The following LHFPL4 variants were observed in gnomAD, a reference collection of about 807,000 sequenced individuals.
LHFPL4 encodes the protein LHFPL tetraspan subfamily member 4.
A neutral mutation model predicts 20.0 loss-of-function variants in LHFPL4; 6 were observed. That is an observed-to-expected ratio of 0.30 (90% CI 0.16 to 0.59). The LOEUF (loss-of-function observed/expected upper bound fraction) is 0.59. LHFPL4 is among the 20% of genes least tolerant of loss of function. The pLI is 0.88. For synonymous variants in LHFPL4, 129 were observed against 143.8 expected, an observed-to-expected ratio of 0.90 and a Z score of 0.74; for missense variants, 215 against 331.2, an observed-to-expected ratio of 0.65 and a Z score of 2.72.
chr3:9,532,856 T>C (rs1015851617), intron 2 of LHFPL4, among the ~76,000 whole-genome samples: 6 of 152,072 alleles, frequency 3.9e-5, no homozygotes, highest in African/African-American at 1.4e-4. Context: ...ATCTGCCACC[T>C]ACCACTTTTT....
At chr3:9,523,152 C>T (rs1168221473) in intron 2 of LHFPL4, among the ~76,000 whole-genome samples, 3 of 151,030 alleles carry the variant, frequency 2.0e-5, no homozygotes, top group African/African-American at 7.3e-5. Context: ...GGCATGGTGG[C>T]TCATGCCTGT....
At chr3:9,552,043 C>A (rs1312181341) in intron 2 of LHFPL4, among the ~76,000 whole-genome samples, 1 of 152,158 alleles carries the variant, frequency 6.6e-6, no homozygotes, top group Non-Finnish European at 1.5e-5. Context: ...CGTACCCATA[C>A]CCAAGCATAC....
intron 2 of LHFPL4, among the ~76,000 whole-genome samples, chr3:9,514,681 C>T (rs938935909): frequency 6.6e-6 from 1 of 152,206 alleles, no homozygotes; most frequent in East Asian, 1.9e-4. Flanking sequence ...TCCTCCCAAC[C>T]GTGGGCAACC....
At chr3:9,510,507 G>T (rs1164883804) in intron 2 of LHFPL4, among the ~76,000 whole-genome samples, 1 of 151,672 alleles carries the variant, frequency 6.6e-6, no homozygotes, top group African/African-American at 2.4e-5. Context: ...AGGGGCAGAG[G>T]CTCTAGGATG....
chr3:9,512,864 G>T (rs977068680), intron 2 of LHFPL4, among the ~76,000 whole-genome samples: 1 of 152,238 alleles, frequency 6.6e-6, no homozygotes, highest in Admixed American at 6.5e-5. Flanking sequence ...TACCCCAGGA[G>T]TGGTGAGCAT....
intron 3 of LHFPL4, 97 bp from the exon 4 acceptor site, chr3:9,502,408 A>G: frequency 1.1e-6 from 1 of 910,066 alleles, no homozygotes. Context: ...CCAGGGCACA[A>G]GTGGGCAGAG....
rs1279132630 is a variant in LHFPL4 at position 9,553,805 on chromosome 3, G to C, written c.-289C>G. 1 of 150,634 alleles carries C rather than the reference G, an allele frequency of 6.6e-6. No individual in the cohort carries two copies. Among genetic ancestry groups the C allele is most frequent in the Non-Finnish European group, 1.5e-5 (1 of 67,482 alleles). The allele number at this position is 150,634 out of a possible 1,614,324, so 9.3% of individuals were successfully genotyped here. On this transcript the variant is annotated 5_prime_UTR_variant, in exon 1 of 4. Coordinates refer to ENST00000287585, the MANE Select transcript of LHFPL4 (RefSeq NM_198560.3). Reference sequence around the variant, plus strand: ...CCTCTGCGCGGCCTCCATCTTGCTCGGGTTCTCCCCGGGGCGCGCTCCCGC... The same window carrying C: ...CCTCTGCGCGGCCTCCATCTTGCTCCGGTTCTCCCCGGGGCGCGCTCCCGC...
intron 2 of LHFPL4, among the ~76,000 whole-genome samples, chr3:9,523,072 A>AAAG (rs1553647480): frequency 1.2e-5 from 1 of 81,572 alleles, no homozygotes; most frequent in Non-Finnish European, 2.4e-5. Context: ...AGAAAGAAAG[A>AAAG]AAAGGAAGAA....
intron 2 of LHFPL4, among the ~76,000 whole-genome samples, chr3:9,538,388 C>T (rs1028983970): frequency 6.6e-6 from 1 of 152,222 alleles, no homozygotes; most frequent in Non-Finnish European, 1.5e-5. Context: ...AGGCTCCTCT[C>T]CCAACTGTTC....
At chr3:9,546,623 A>T (rs1334830224) in intron 2 of LHFPL4, among the ~76,000 whole-genome samples, 1 of 152,200 alleles carries the variant, frequency 6.6e-6, no homozygotes, top group Non-Finnish European at 1.5e-5. Flanking sequence ...ACTCAGACCC[A>T]GTCCTTACAT....
chr3:9,521,086 T>C (rs1426688911), intron 2 of LHFPL4, among the ~76,000 whole-genome samples: 4 of 152,168 alleles, frequency 2.6e-5, no homozygotes, highest in Admixed American at 2.6e-4. Context: ...TGATGCTCTG[T>C]TGTTAGGCAC....
intron 2 of LHFPL4, among the ~76,000 whole-genome samples, chr3:9,545,047 C>T (rs2046502932): frequency 6.6e-6 from 1 of 151,894 alleles, no homozygotes; most frequent in Admixed American, 6.6e-5. Flanking sequence ...GAGGCTAGCA[C>T]AGTGCCTGAC....
chr3:9,535,990 G>T (rs547654699), intron 2 of LHFPL4, among the ~76,000 whole-genome samples: 2 of 152,010 alleles, frequency 1.3e-5, no homozygotes, highest in African/African-American at 4.8e-5. Context: ...TTTTAGAGAG[G>T]GGGTTTCATC....
At chr3:9,512,514 T>C (rs1260125805) in intron 2 of LHFPL4, among the ~76,000 whole-genome samples, 2 of 152,194 alleles carry the variant, frequency 1.3e-5, no homozygotes, top group African/African-American at 4.8e-5. Context: ...TTTTGCAATT[T>C]AACCATGACA....
chr3:9,548,539 C>A (rs1207434731), intron 2 of LHFPL4, among the ~76,000 whole-genome samples: 2 of 152,182 alleles, frequency 1.3e-5, no homozygotes, highest in Non-Finnish European at 2.9e-5. Context: ...TAACACCCTG[C>A]CCAGCTCAAG....
At chr3:9,531,405 C>T (rs2046407621) in intron 2 of LHFPL4, among the ~76,000 whole-genome samples, 1 of 152,170 alleles carries the variant, frequency 6.6e-6, no homozygotes, top group Admixed American at 6.5e-5. Flanking sequence ...GCTTGAGTAT[C>T]TATAAGCATG....
rs2046155482 is a variant in LHFPL4, at chr3:9,499,491, A to G, written c.*2720T>C. 1 of 152,390 alleles carries G rather than the reference A, an allele frequency of 6.6e-6. No individual in the cohort carries two copies. Among genetic ancestry groups the G allele is most frequent in the Non-Finnish European group, 1.5e-5 (1 of 68,156 alleles). The allele number at this position is 152,390 out of a possible 1,614,324, so 9.4% of individuals were successfully genotyped here. A position where few individuals can be genotyped will look rare whatever the true frequency, so the allele number is the denominator to read the frequency against. On this transcript the variant is annotated 3_prime_UTR_variant, in exon 4 of 4. Transcript: ENST00000287585. ...TGGTGCATCTCCCCCTGGCTCTGCC[A>G]AGATGGCAGCTGGCCAGGTGCGGTG...
intron 2 of LHFPL4, among the ~76,000 whole-genome samples, chr3:9,514,372 A>G (rs1323027788): frequency 6.6e-6 from 1 of 152,192 alleles, no homozygotes; most frequent in Non-Finnish European, 1.5e-5. Context: ...TTTTAGGTTC[A>G]CAGCAAAATT....
At chr3:9,517,929 T>G (rs2046315041) in intron 2 of LHFPL4, among the ~76,000 whole-genome samples, 1 of 152,028 alleles carries the variant, frequency 6.6e-6, no homozygotes, top group Non-Finnish European at 1.5e-5. Flanking sequence ...TTTTCTTTTC[T>G]TATTGCATTA....
Sources: gnomAD v4.1 joint callset for allele counts (sites outside exome capture counted in the v4.1 genomes callset) on GRCh38, gnomAD v4.1.1 for gene constraint, MANE v1.5 for transcripts, NCBI Gene and HGNC (gene_info 2026-07-23, HGNC 2026-07-21) for gene names.